The following SORBS2 variants were observed in gnomAD, a reference collection of about 807,000 sequenced individuals.
SORBS2 encodes the protein sorbin and SH3 domain-containing protein 2.
In SORBS2, 46 loss-of-function variants were observed where a neutral mutation model predicts 97.7. The ratio of observed to expected loss-of-function variants is 0.47; its 90% confidence interval spans 0.37 to 0.60. The LOEUF (loss-of-function observed/expected upper bound fraction) is 0.60. Among genes scored for constraint, SORBS2 ranks in the 20% least tolerant of loss-of-function variants. The pLI is 0.00. For synonymous variants in SORBS2, 476 were observed against 473.4 expected (o/e 1.01, Z -0.07); for missense variants, 1,316 against 1,282.3 (o/e 1.03, Z -0.40).
At chr4:185,943,249 A>G (rs2099272959) in intron 1 of SORBS2, among the ~76,000 whole-genome samples, 1 of 152,206 alleles carries the variant, frequency 6.6e-6, no homozygotes, top group Non-Finnish European at 1.5e-5. Flanking sequence ...GACAAATAGG[A>G]TATTCCACAT....
chr4:185,675,819 C>A (rs994177953), intron 4 of SORBS2, among the ~76,000 whole-genome samples: 1 of 152,126 alleles, frequency 6.6e-6, no homozygotes, highest in Admixed American at 6.5e-5. Flanking sequence ...GAATTTTGCA[C>A]ATCTTGATTG....
rs141784856 is a variant in SORBS2, at chr4:185,953,963, C to T, written c.-338+2233G>A. Among the ~76,000 whole-genome samples, 244 of 152,330 alleles carry T rather than the reference C, an allele frequency of 1.6e-3. 3 individuals carry two copies. The highest frequency in any genetic ancestry group is 5.3e-3 in the African/African-American group (220 of 41,576). ...GCCTGGAGGACATCCCGGAGGGAGACGTCCTTTCTTTTGCTTTAATCCATT... is the reference window on the plus strand; with the variant it reads ...GCCTGGAGGACATCCCGGAGGGAGATGTCCTTTCTTTTGCTTTAATCCATT... On this transcript the variant is annotated intron_variant, in intron 1 of 20. Transcript: ENST00000284776.
chr4:185,787,923 G>A (rs1417342483), intron 1 of SORBS2, among the ~76,000 whole-genome samples: 1 of 152,222 alleles, frequency 6.6e-6, no homozygotes, highest in Non-Finnish European at 1.5e-5. Flanking sequence ...TGAAAATTTG[G>A]GAGCAGAAGA....
chr4:185,822,814 G>A (rs974245436), intron 1 of SORBS2, among the ~76,000 whole-genome samples: 2 of 152,208 alleles, frequency 1.3e-5, no homozygotes, highest in African/African-American at 2.4e-5. Flanking sequence ...AGCATTCTGA[G>A]AGTTCTGAGA....
intron 1 of SORBS2, among the ~76,000 whole-genome samples, chr4:185,785,604 A>G (rs931239781): frequency 6.6e-6 from 1 of 152,128 alleles, no homozygotes; most frequent in African/African-American, 2.4e-5. Flanking sequence ...GGCTGCTACA[A>G]TCTTCTTGGG....
chr4:185,834,758 C>T (rs748454694), intron 1 of SORBS2, among the ~76,000 whole-genome samples: 2 of 152,050 alleles, frequency 1.3e-5, no homozygotes, highest in Non-Finnish European at 2.9e-5. Flanking sequence ...TTGATTTGTA[C>T]ATAATAAAAA....
chr4:185,827,922 A>G (rs899239889), intron 1 of SORBS2, among the ~76,000 whole-genome samples: 8 of 146,096 alleles, frequency 5.5e-5, no homozygotes, highest in African/African-American at 1.0e-4. Flanking sequence ...CATCATCATC[A>G]TCACCATCAT....
intron 1 of SORBS2, among the ~76,000 whole-genome samples, chr4:185,915,770 T>G (rs2099257806): frequency 6.6e-6 from 1 of 152,138 alleles, no homozygotes; most frequent in South Asian, 2.1e-4. Context: ...AATGTATGAT[T>G]GCAAAGCAAG....
At chr4:185,787,860 A>G (rs928079134) in intron 1 of SORBS2, among the ~76,000 whole-genome samples, 2 of 152,220 alleles carry the variant, frequency 1.3e-5, no homozygotes, top group African/African-American at 4.8e-5. Flanking sequence ...TTAACCTTGA[A>G]TCATAGCTGG....
intron 1 of SORBS2, among the ~76,000 whole-genome samples, chr4:185,929,166 A>G (rs1202029272): frequency 6.6e-6 from 1 of 152,210 alleles, no homozygotes; most frequent in Non-Finnish European, 1.5e-5. Flanking sequence ...CAAGAATCCT[A>G]TGACGAGCTT....
chr4:185,860,113 G>A (rs1190327359), intron 1 of SORBS2, among the ~76,000 whole-genome samples: 3 of 152,078 alleles, frequency 2.0e-5, no homozygotes, highest in Non-Finnish European at 2.9e-5. Context: ...CACTACATAC[G>A]AAAAAGGATC....
intron 11 of SORBS2, among the ~76,000 whole-genome samples, chr4:185,612,395 C>T (rs1347639425): frequency 8.5e-5 from 13 of 152,082 alleles, no homozygotes; most frequent in Non-Finnish European, 1.5e-4. Context: ...GAAAGTGCAC[C>T]ATAGCTTGCT....
chr4:185,661,873 C>T (rs1217694240), upstream of SORBS2, among the ~76,000 whole-genome samples: 1 of 152,208 alleles, frequency 6.6e-6, no homozygotes, highest in Non-Finnish European at 1.5e-5. Flanking sequence ...ACTCCACCAC[C>T]TCAGACATCT....
At chr4:185,662,060 C>G in intron 5 of SORBS2, 44 bp downstream of exon 8, 1 of 1,607,976 alleles carries the variant, frequency 6.2e-7, no homozygotes, top group Non-Finnish European at 8.5e-7. Flanking sequence ...TTGTACTTGC[C>G]GCATTGAGGT....
intron 12 of SORBS2, among the ~76,000 whole-genome samples, chr4:185,602,264 T>A (rs2096280892): frequency 6.6e-6 from 1 of 152,176 alleles, no homozygotes; most frequent in Non-Finnish European, 1.5e-5. Context: ...CACCTTGGCC[T>A]CTCAAAGTGC....
intron 1 of SORBS2, among the ~76,000 whole-genome samples, chr4:185,790,180 G>A: frequency 6.6e-6 from 1 of 151,732 alleles, no homozygotes; most frequent in Non-Finnish European, 1.5e-5. Context: ...ACAGTCATCT[G>A]CGCACAACAC....
At chr4:185,694,496 A>G (rs984154960) in intron 2 of SORBS2, among the ~76,000 whole-genome samples, 1 of 152,174 alleles carries the variant, frequency 6.6e-6, no homozygotes, top group African/African-American at 2.4e-5. Context: ...TCAAAGTTTC[A>G]TATAAAAAGC....
intron 12 of SORBS2, among the ~76,000 whole-genome samples, chr4:185,600,993 A>G (rs891241309): frequency 1.3e-5 from 2 of 152,254 alleles, no homozygotes; most frequent in Admixed American, 6.5e-5. Context: ...TTTCCTTCCA[A>G]TAGCGGACAG....
chr4:185,737,653 A>G (rs1282811003), intron 2 of SORBS2, among the ~76,000 whole-genome samples: 2 of 152,132 alleles, frequency 1.3e-5, no homozygotes, highest in Non-Finnish European at 1.5e-5. Context: ...CCAGCCGTGG[A>G]GAAGGCGGCT....
Sources: gnomAD v4.1 joint callset for allele counts (sites outside exome capture counted in the v4.1 genomes callset) on GRCh38, gnomAD v4.1.1 for gene constraint, MANE v1.5 for transcripts, NCBI Gene and HGNC (gene_info 2026-07-23, HGNC 2026-07-21) for gene names.